The following LINGO2 variants were observed in gnomAD, a reference collection of about 807,000 sequenced individuals.
The protein encoded by LINGO2 is leucine rich repeat and Ig domain containing 2, also known as leucine-rich repeat and immunoglobulin-like domain-containing nogo receptor-interacting protein 2.
A neutral mutation model predicts 30.6 loss-of-function variants in LINGO2; 14 were observed. That is an observed-to-expected ratio of 0.46 (90% CI 0.30 to 0.72). LINGO2 has a LOEUF of 0.72. LINGO2 is among the 30% of genes least tolerant of loss of function. The probability of loss-of-function intolerance (pLI) is 0.07; values close to 1 mark genes in which losing one functional copy is unlikely to be tolerated. For missense variants in LINGO2, 729 were observed against 751.7 expected (o/e 0.97, Z 0.35); for synonymous variants, 317 against 288.5 (o/e 1.10, Z -1.00).
chr9:28,320,567 G>C (rs1057398483), intron 3 of LINGO2, among the ~76,000 whole-genome samples: 1 of 152,122 alleles, frequency 6.6e-6, no homozygotes, highest in African/African-American at 2.4e-5. Flanking sequence ...ATCTTTAGAC[G>C]TTCACTTAGG....
the LINGO2 span, among the ~76,000 whole-genome samples, chr9:28,682,363 G>C: frequency 6.6e-6 from 1 of 152,080 alleles, no homozygotes; most frequent in South Asian, 2.1e-4. Context: ...CTGTGGCCTT[G>C]TCAAATATTT....
chr9:28,762,866 G>T, the LINGO2 span, among the ~76,000 whole-genome samples: 1 of 151,872 alleles, frequency 6.6e-6, no homozygotes, highest in Non-Finnish European at 1.5e-5. Flanking sequence ...CTTGACTACA[G>T]GAAGGAAGAA....
At chr9:29,121,851 C>A in the LINGO2 span, among the ~76,000 whole-genome samples, 1 of 152,022 alleles carries the variant, frequency 6.6e-6, no homozygotes, top group Admixed American at 6.6e-5. Context: ...CATTCGGGAT[C>A]TCTGCTAAGC....
chr9:28,820,949 C>A, the LINGO2 span, among the ~76,000 whole-genome samples: 5 of 152,220 alleles, frequency 3.3e-5, no homozygotes, highest in Admixed American at 2.0e-4. Flanking sequence ...CATAAATGAG[C>A]CTTCAAGGCT....
intron 4 of LINGO2, among the ~76,000 whole-genome samples, chr9:28,231,258 G>A (rs935151540): frequency 1.3e-5 from 2 of 151,938 alleles, no homozygotes; most frequent in Non-Finnish European, 2.9e-5. Flanking sequence ...CATGTTGAAA[G>A]AGTTCATAAT....
At chr9:28,848,416 T>TACAC in the LINGO2 span, among the ~76,000 whole-genome samples, 10 of 130,490 alleles carry the variant, frequency 7.7e-5, no homozygotes, top group African/African-American at 2.7e-4. Flanking sequence ...TATATATATA[T>TACAC]ATATATATAT....
chr9:28,403,665 T>C (rs1459452167), intron 2 of LINGO2, among the ~76,000 whole-genome samples: 3 of 152,052 alleles, frequency 2.0e-5, no homozygotes, highest in African/African-American at 7.2e-5. Flanking sequence ...TTTTTTTTTT[T>C]TTTTCAAAGG....
chr9:28,848,844 C>T, the LINGO2 span, among the ~76,000 whole-genome samples: 6 of 151,828 alleles, frequency 4.0e-5, no homozygotes, highest in African/African-American at 1.5e-4. Context: ...CTCCTTCCCT[C>T]CTTCTATGAT....
In LINGO2 at chr9:28,578,493, T is replaced by C. The variant is rs372921803; in HGVS notation, c.-365+91707A>G. On this transcript the variant is annotated intron_variant, in intron 1 of 5. Transcript: ENST00000379992. ...TGATATTATAGAAAGTTCTTTATTT[T>C]ATACTGTATAATTATTAATTATTAA... is the stretch of plus-strand genomic sequence containing the variant. Among the ~76,000 whole-genome samples the C allele has an allele frequency of 2.1e-4, 32 of 152,296 alleles. No individual in the cohort carries two copies. In the East Asian group the frequency reaches 4.0e-3, roughly 19 times the overall value.
chr9:28,588,447 G>A (rs1033340668), intron 1 of LINGO2, among the ~76,000 whole-genome samples: 6 of 151,886 alleles, frequency 4.0e-5, no homozygotes, highest in Non-Finnish European at 5.9e-5. Context: ...GGGGCTTCCT[G>A]GAATTATAAG....
intron 2 of LINGO2, among the ~76,000 whole-genome samples, chr9:28,373,886 G>A (rs1821006300): frequency 7.6e-6 from 1 of 131,786 alleles, no homozygotes; most frequent in Non-Finnish European, 1.6e-5. Flanking sequence ...GGCAATAAGA[G>A]CAAAACTCCA....
At chr9:29,035,077 T>C in the LINGO2 span, among the ~76,000 whole-genome samples, 1 of 152,098 alleles carries the variant, frequency 6.6e-6, no homozygotes, top group Non-Finnish European at 1.5e-5. Flanking sequence ...CTTTAGATGA[T>C]TAAATAATAA....
the LINGO2 span, among the ~76,000 whole-genome samples, chr9:28,861,650 G>A: frequency 8.2e-4 from 125 of 151,944 alleles, 1 homozygote; most frequent in Non-Finnish European, 1.4e-3. Flanking sequence ...TGTAGTCCCA[G>A]CTCCTCAGGA....
intron 2 of LINGO2, among the ~76,000 whole-genome samples, chr9:28,376,567 C>G (rs1821139141): frequency 6.6e-6 from 1 of 152,192 alleles, no homozygotes; most frequent in South Asian, 2.1e-4. Context: ...CACCTTCCAC[C>G]CGAGGGAACT....
the LINGO2 span, among the ~76,000 whole-genome samples, chr9:28,824,202 A>G: frequency 6.6e-6 from 1 of 152,156 alleles, no homozygotes; most frequent in African/African-American, 2.4e-5. Flanking sequence ...CTCTGGGAAT[A>G]TAGGGGGAGA....
intron 4 of LINGO2, among the ~76,000 whole-genome samples, chr9:28,145,206 G>A (rs1007559760): frequency 6.6e-6 from 1 of 152,190 alleles, no homozygotes; most frequent in Non-Finnish European, 1.5e-5. Flanking sequence ...ACATGAGGAA[G>A]CTTTAAGGGT....
the LINGO2 span, among the ~76,000 whole-genome samples, chr9:28,833,679 C>T: frequency 6.6e-6 from 1 of 152,020 alleles, no homozygotes; most frequent in African/African-American, 2.4e-5. Context: ...TATTTTTTCG[C>T]AGTTTTCTAG....
chr9:28,680,288 C>A, the LINGO2 span, among the ~76,000 whole-genome samples: 2 of 152,010 alleles, frequency 1.3e-5, no homozygotes, highest in African/African-American at 4.8e-5. Flanking sequence ...TTGCATATGA[C>A]AGAATTTCCT....
chr9:29,204,991 C>G, the LINGO2 span, among the ~76,000 whole-genome samples: 1 of 152,164 alleles, frequency 6.6e-6, no homozygotes. Context: ...AACTTGCTAA[C>G]AGTTTTTATC....
Sources: gnomAD v4.1 joint callset for allele counts (sites outside exome capture counted in the v4.1 genomes callset) on GRCh38, gnomAD v4.1.1 for gene constraint, MANE v1.5 for transcripts, NCBI Gene and HGNC (gene_info 2026-07-23, HGNC 2026-07-21) for gene names.